PVT1: variants seen among roughly 807,000 people sequenced by gnomAD.
The protein encoded by PVT1 is Pvt1 oncogene.
At chr8:128,044,333 AC>A (rs1813586672) in intron 4 of PVT1, among the ~76,000 whole-genome samples, 1 of 151,804 alleles carries the variant, frequency 6.6e-6, no homozygotes, top group African/African-American at 2.4e-5. Context: ...CCCCTCATGA[AC>A]CCCAGGAATG....
intron 4 of PVT1, among the ~76,000 whole-genome samples, chr8:128,060,101 A>G (rs1486560481): frequency 6.6e-6 from 1 of 151,908 alleles, no homozygotes; most frequent in African/African-American, 2.4e-5. Flanking sequence ...CTAAAAATAC[A>G]AAAAATTAGC....
chr8:127,811,126 A>C (rs984025524), intron 2 of PVT1, among the ~76,000 whole-genome samples: 5 of 152,136 alleles, frequency 3.3e-5, no homozygotes, highest in Non-Finnish European at 5.9e-5. Flanking sequence ...ATACTGTTAG[A>C]GAGAGGTTGC....
At chr8:127,973,974 G>A (rs530694541) in intron 3 of PVT1, among the ~76,000 whole-genome samples, 3 of 144,804 alleles carry the variant, frequency 2.1e-5, no homozygotes, top group Middle Eastern at 3.4e-3. Flanking sequence ...GCGAGACTCC[G>A]TCTCAGAAAA....
At chr8:127,798,773 G>C (rs1814428811) in intron 2 of PVT1, among the ~76,000 whole-genome samples, 1 of 152,072 alleles carries the variant, frequency 6.6e-6, no homozygotes, top group Admixed American at 6.5e-5. Flanking sequence ...CTACTCGGGA[G>C]GCTGAGGTAG....
At chr8:128,038,308 C>A (rs979159307) in intron 4 of PVT1, among the ~76,000 whole-genome samples, 6 of 152,194 alleles carry the variant, frequency 3.9e-5, no homozygotes, top group African/African-American at 1.4e-4. Flanking sequence ...CCTGTCTTGT[C>A]CCCTTTTAGC....
intron 6 of PVT1, chr8:128,099,659 G>A (rs1024620207): frequency 6.6e-6 from 1 of 152,102 alleles, no homozygotes; most frequent in Non-Finnish European, 1.5e-5. Flanking sequence ...AAACAAAATA[G>A]CCAAATTAAT....
At chr8:127,886,318 G>T (rs1416387918) in intron 2 of PVT1, among the ~76,000 whole-genome samples, 2 of 151,918 alleles carry the variant, frequency 1.3e-5, no homozygotes, top group Non-Finnish European at 2.9e-5. Flanking sequence ...TATATATCCT[G>T]CATGGGATTT....
intron 4 of PVT1, chr8:128,008,953 G>A (rs747269494): frequency 1.9e-6 from 1 of 519,700 alleles, no homozygotes; most frequent in Non-Finnish European, 4.0e-6. Context: ...GCTAGTGAAC[G>A]CTGCCAAATT....
Position 127,878,072 on chromosome 8 carries a change from C to T in PVT1, n.373-12517C>T, listed in dbSNP as rs575561370. 1.5e-4 allele frequency among the ~76,000 whole-genome samples: 23 copies of T among 152,244 alleles called. No individual in the cohort carries two copies. In the East Asian group the frequency reaches 2.9e-3, roughly 19 times the overall value. On this transcript the variant is annotated intron_variant and non_coding_transcript_variant, in intron 2 of 10. Transcript: ENST00000651587. ...ACTGTCACCTTGAGTCATTGTTTGA[C>T]GGCTCAGGTCCTTGGCACTTTACCC...
chr8:128,049,510 T>C (rs367986434), intron 4 of PVT1, among the ~76,000 whole-genome samples: 2 of 151,754 alleles, frequency 1.3e-5, no homozygotes, highest in East Asian at 1.9e-4. Flanking sequence ...GCCATTGGAG[T>C]GGTGGGTGCT....
chr8:127,950,721 T>A (rs1315106194), intron 3 of PVT1, among the ~76,000 whole-genome samples: 1 of 152,150 alleles, frequency 6.6e-6, no homozygotes, highest in Non-Finnish European at 1.5e-5. Flanking sequence ...TTCTCCTTTA[T>A]GTCTCCTTCC....
At chr8:128,098,498 C>CT (rs1377286680) in intron 6 of PVT1, among the ~76,000 whole-genome samples, 1 of 152,218 alleles carries the variant, frequency 6.6e-6, no homozygotes, top group East Asian at 1.9e-4. Context: ...GTTGCGGCCT[C>CT]TCGGCCCTGG....
intron 2 of PVT1, among the ~76,000 whole-genome samples, chr8:127,825,117 TAA>T (rs58377389): frequency 1.1e-4 from 9 of 81,040 alleles, no homozygotes; most frequent in East Asian, 4.1e-4. Flanking sequence ...AAACACTAGC[TAA>T]AAAAAAAAAA....
intron 3 of PVT1, among the ~76,000 whole-genome samples, chr8:127,903,930 A>C (rs1586429469): frequency 6.6e-6 from 1 of 152,176 alleles, no homozygotes; most frequent in Non-Finnish European, 1.5e-5. Context: ...TTCCATGTGA[A>C]TTTTAGAATA....
chr8:128,037,004 C>T (rs1044098860), intron 4 of PVT1, among the ~76,000 whole-genome samples: 1 of 152,206 alleles, frequency 6.6e-6, no homozygotes, highest in South Asian at 2.1e-4. Flanking sequence ...TGATGCATAA[C>T]TTGCTGTTGA....
At chr8:127,809,670 A>G (rs112649849) in intron 2 of PVT1, among the ~76,000 whole-genome samples, 3,320 of 152,228 alleles carry the variant, frequency 0.022, 51 homozygotes, top group African/African-American at 0.036. Context: ...CATTTTTTCA[A>G]AAGGAAATGG....
At chr8:127,988,759 A>G (rs1816998399) in intron 3 of PVT1, among the ~76,000 whole-genome samples, 1 of 152,220 alleles carries the variant, frequency 6.6e-6, no homozygotes, top group African/African-American at 2.4e-5. Flanking sequence ...GGCTATTCTC[A>G]GAATGGGGTT....
At chr8:127,840,835 A>G (rs556930956) in intron 2 of PVT1, among the ~76,000 whole-genome samples, 9 of 152,368 alleles carry the variant, frequency 5.9e-5, no homozygotes, top group Non-Finnish European at 1.2e-4. Context: ...GCTACAGCCA[A>G]GTCTCTTTTA....
intron 3 of PVT1, among the ~76,000 whole-genome samples, chr8:127,955,900 T>C (rs1204051335): frequency 6.6e-6 from 1 of 152,200 alleles, no homozygotes; most frequent in African/African-American, 2.4e-5. Flanking sequence ...TCATTTCTAT[T>C]CTGCAAATAA....
Sources: gnomAD v4.1 joint callset for allele counts (sites outside exome capture counted in the v4.1 genomes callset) on GRCh38, gnomAD v4.1.1 for gene constraint, MANE v1.5 for transcripts, NCBI Gene and HGNC (gene_info 2026-07-23, HGNC 2026-07-21) for gene names.